The following HECW1 variants were observed in gnomAD, a reference collection of about 807,000 sequenced individuals.
The protein encoded by HECW1 is E3 ubiquitin-protein ligase HECW1.
Under a neutral mutation model 182.3 loss-of-function variants are expected in HECW1, and 61 were observed. The ratio of observed to expected loss-of-function variants is 0.33; its 90% CI spans 0.27 to 0.41. The LOEUF (loss-of-function observed/expected upper bound fraction) is 0.41, where lower values mean the gene tolerates loss of function less well. HECW1 is among the 10% of genes least tolerant of loss of function. The pLI is 1.00. For missense variants in HECW1, 1,739 were observed against 2,108.9 expected (o/e 0.82, Z 3.44); for synonymous variants, 859 against 832.6 (o/e 1.03, Z -0.55).
chr7:43,201,274 G>A (rs1325271997), intron 2 of HECW1, among the ~76,000 whole-genome samples: 1 of 152,226 alleles, frequency 6.6e-6, no homozygotes, highest in Non-Finnish European at 1.5e-5. Flanking sequence ...CAGAGCTCCA[G>A]AGAAGGGGGT....
At position 43,114,141 on chromosome 7, in the gene HECW1, C is replaced by T. The variant is rs1216105167; in HGVS notation, c.-266-16C>T. 2.1e-5 allele frequency: 18 copies of T among 858,196 alleles called. No homozygotes were observed. The highest frequency in any genetic ancestry group is 3.4e-5 in the African/African-American group (2 of 58,120). The allele number at this position is 858,196 out of a possible 1,614,324, so 53.2% of individuals were successfully genotyped here. A position where few individuals can be genotyped will look rare whatever the true frequency, so the allele number is the denominator to read the frequency against. On this transcript the variant is annotated splice_polypyrimidine_tract_variant and intron_variant, in intron 1 of 29. Coordinates refer to ENST00000395891, the MANE Select transcript of HECW1 (RefSeq NM_015052.5). Reference sequence around the variant, plus strand: ...GTGCAATTCTCCCCTTGTTTTCCCCCCTTCTCTTTGAAAAGATATCAATGC... The same window carrying T: ...GTGCAATTCTCCCCTTGTTTTCCCCTCTTCTCTTTGAAAAGATATCAATGC...
intron 2 of HECW1, among the ~76,000 whole-genome samples, chr7:43,191,145 A>G (rs1346469809): frequency 6.6e-6 from 1 of 152,224 alleles, no homozygotes; most frequent in Admixed American, 6.5e-5. Context: ...GGTTATATAT[A>G]TATATGCAAG....
At chr7:43,213,325 A>G (rs1017549214) in intron 2 of HECW1, among the ~76,000 whole-genome samples, 1 of 152,052 alleles carries the variant, frequency 6.6e-6, no homozygotes, top group Non-Finnish European at 1.5e-5. Flanking sequence ...CATAAATGAC[A>G]TGTGCTTATT....
intron 2 of HECW1, among the ~76,000 whole-genome samples, chr7:43,141,984 A>G (rs1788206177): frequency 6.6e-6 from 1 of 152,152 alleles, no homozygotes; most frequent in Non-Finnish European, 1.5e-5. Context: ...CTGACCTCAA[A>G]GTTCTATTCC....
At position 43,198,239 on chromosome 7, in the gene HECW1, CCA is replaced by C. The variant is rs563526716; in HGVS notation, c.-31-45633_-31-45632del. On this transcript the variant is annotated intron_variant, in intron 2 of 29. Coordinates refer to ENST00000395891, the MANE Select transcript of HECW1 (RefSeq NM_015052.5). ...TACACACCCACCATAGTCGCACATCCCACAGTCTCTCACACACCCACTCACAC... is the reference window on the plus strand; with the variant it reads ...TACACACCCACCATAGTCGCACATCCCAGTCTCTCACACACCCACTCACAC... 5.8e-3 allele frequency among the ~76,000 whole-genome samples: 873 copies of C among 149,478 alleles called. 1 individual carries two copies. Among genetic ancestry groups the C allele is most frequent in the African/African-American group, 9.0e-3 (367 of 40,554 alleles).
At chr7:43,317,190 G>A (rs1809428965) in intron 4 of HECW1, among the ~76,000 whole-genome samples, 1 of 152,164 alleles carries the variant, frequency 6.6e-6, no homozygotes, top group African/African-American at 2.4e-5. Context: ...TTCTGCAGCA[G>A]CATCCTGTGT....
chr7:43,397,972 T>C (rs2075285921), intron 7 of HECW1, among the ~76,000 whole-genome samples: 1 of 152,196 alleles, frequency 6.6e-6, no homozygotes, highest in Non-Finnish European at 1.5e-5. Context: ...ATTAAAAGTT[T>C]AGGGCTGGGA....
intron 2 of HECW1, among the ~76,000 whole-genome samples, chr7:43,137,738 T>G (rs570945154): frequency 2.0e-5 from 3 of 151,904 alleles, no homozygotes; most frequent in South Asian, 2.1e-4. Flanking sequence ...TTAGTAGAGA[T>G]AGGGTTTCAC....
intron 2 of HECW1, among the ~76,000 whole-genome samples, chr7:43,158,885 G>C (rs1016919314): frequency 1.3e-5 from 2 of 152,212 alleles, no homozygotes; most frequent in African/African-American, 4.8e-5. Flanking sequence ...CACCAAGAGA[G>C]AGGTTCTCAA....
At chr7:43,496,385 C>T (rs960061161) in intron 19 of HECW1, among the ~76,000 whole-genome samples, 26 of 151,884 alleles carry the variant, frequency 1.7e-4, no homozygotes, top group Non-Finnish European at 2.6e-4. Context: ...AGAAGGCTCA[C>T]GATGACTATC....
At chr7:43,367,160 T>G (rs1816754129) in intron 6 of HECW1, among the ~76,000 whole-genome samples, 2 of 152,256 alleles carry the variant, frequency 1.3e-5, no homozygotes, top group Admixed American at 1.3e-4. Flanking sequence ...TTTCCAGTTC[T>G]GATTTTGGAA....
chr7:43,203,564 C>A (rs1795198939), intron 2 of HECW1, among the ~76,000 whole-genome samples: 3 of 152,178 alleles, frequency 2.0e-5, no homozygotes, highest in Admixed American at 6.5e-5. Context: ...GATTCTCCTG[C>A]CTCAGCCTCC....
chr7:43,501,183 C>CTTTTTTTTTTTTTTT (rs567367189), intron 20 of HECW1, 30 bp from the exon 21 acceptor site: 30 of 746,590 alleles, frequency 4.0e-5, no homozygotes, highest in South Asian at 7.0e-5. Context: ...TCTTTTCTTT[C>CTTTTTTTTTTTTTTT]TTTTTTTTTT....
At chr7:43,392,891 T>C (rs1715721629) in intron 6 of HECW1, among the ~76,000 whole-genome samples, 1 of 152,194 alleles carries the variant, frequency 6.6e-6, no homozygotes, top group African/African-American at 2.4e-5. Context: ...TCACACTCTT[T>C]TGCTGAATTG....
At chr7:43,189,916 G>A (rs2152682598) in intron 2 of HECW1, among the ~76,000 whole-genome samples, 1 of 152,280 alleles carries the variant, frequency 6.6e-6, no homozygotes, top group South Asian at 2.1e-4. Context: ...TGAATCTCGG[G>A]GCTTTTTGTG....
intron 17 of HECW1, among the ~76,000 whole-genome samples, chr7:43,485,704 T>C (rs1052113467): frequency 9.9e-5 from 15 of 152,090 alleles, no homozygotes; most frequent in Admixed American, 9.8e-4. Context: ...TATAAAAGAT[T>C]TAAAAAATAG....
At chr7:43,227,620 AT>A (rs1797542367) in intron 2 of HECW1, among the ~76,000 whole-genome samples, 1 of 152,214 alleles carries the variant, frequency 6.6e-6, no homozygotes, top group African/African-American at 2.4e-5. Flanking sequence ...TATTAATAAA[AT>A]ATCCTCTATT....
chr7:43,266,150 C>A (rs117213090), intron 3 of HECW1, among the ~76,000 whole-genome samples: 16 of 152,184 alleles, frequency 1.1e-4, no homozygotes, highest in Non-Finnish European at 1.8e-4. Context: ...GGTCAAGGGG[C>A]GGGCTAAAAA....
intron 2 of HECW1, among the ~76,000 whole-genome samples, chr7:43,191,754 A>G (rs1793936452): frequency 6.6e-6 from 1 of 152,148 alleles, no homozygotes; most frequent in Non-Finnish European, 1.5e-5. Flanking sequence ...TAAGTATTTC[A>G]TCCACTTAAT....
Sources: allele counts gnomAD v4.1 joint callset (sites outside exome capture counted in the v4.1 genomes callset), GRCh38; gene constraint gnomAD v4.1.1; transcripts MANE v1.5; gene names NCBI Gene and HGNC (gene_info 2026-07-23, HGNC 2026-07-21).